Variants in VAV3 observed in about 807,000 individuals in gnomAD.
VAV3 encodes vav guanine nucleotide exchange factor 3.
VAV3 carries 94 observed loss-of-function variants against 131.2 expected under a neutral mutation model. The ratio of observed to expected loss-of-function variants is 0.72; its 90% confidence interval spans 0.61 to 0.85. The LOEUF (loss-of-function observed/expected upper bound fraction) is 0.85. Among genes scored for constraint, VAV3 ranks in the 40% least tolerant of loss-of-function variants. The pLI, the probability that VAV3 is intolerant of heterozygous loss-of-function variation, is 0.00. For synonymous variants in VAV3, 349 were observed against 342.0 expected, an observed-to-expected ratio of 1.02 and a Z score of -0.22; for missense variants, 939 against 1,002.7, an observed-to-expected ratio of 0.94 and a Z score of 0.86.
At chr1:107,940,534 C>A (rs1018720767) in intron 1 of VAV3, among the ~76,000 whole-genome samples, 1 of 152,072 alleles carries the variant, frequency 6.6e-6, no homozygotes, top group Admixed American at 6.6e-5. Flanking sequence ...AGGATGCCTG[C>A]GAAACTATGC....
At chr1:107,776,514 G>A (rs1665366083) in intron 4 of VAV3, among the ~76,000 whole-genome samples, 1 of 152,202 alleles carries the variant, frequency 6.6e-6, no homozygotes, top group Non-Finnish European at 1.5e-5. Context: ...AGAAAGAATA[G>A]CAGGTGTAAA....
intron 2 of VAV3, among the ~76,000 whole-genome samples, chr1:107,818,953 A>G (rs769859775): frequency 3.1e-4 from 47 of 152,218 alleles, no homozygotes; most frequent in Non-Finnish European, 5.9e-4. Flanking sequence ...GTTTTATTCA[A>G]TTCAGTTTTA....
At chr1:107,637,845 G>A (rs191126163) in intron 20 of VAV3, among the ~76,000 whole-genome samples, 2 of 152,068 alleles carry the variant, frequency 1.3e-5, no homozygotes, top group Non-Finnish European at 2.9e-5. Context: ...ACATGAAAAT[G>A]AAACAATATA....
chr1:107,869,757 A>G (rs1670171354), intron 2 of VAV3, among the ~76,000 whole-genome samples: 1 of 152,196 alleles, frequency 6.6e-6, no homozygotes, highest in Non-Finnish European at 1.5e-5. Context: ...CCCGAGCAGT[A>G]TACACTAAAC....
chr1:107,638,962 G>GAT (rs1039643886), intron 20 of VAV3, among the ~76,000 whole-genome samples: 48 of 151,002 alleles, frequency 3.2e-4, no homozygotes, highest in East Asian at 5.8e-4. Context: ...TACACATAAA[G>GAT]ATATATATAT....
chr1:107,696,053 G>C (rs1200746200), intron 17 of VAV3, among the ~76,000 whole-genome samples: 1 of 152,134 alleles, frequency 6.6e-6, no homozygotes, highest in Non-Finnish European at 1.5e-5. Flanking sequence ...TTCAAAGCCA[G>C]AGGTTTTAAA....
At chr1:107,655,893 A>G (rs1342045763) in intron 19 of VAV3, among the ~76,000 whole-genome samples, 1 of 152,214 alleles carries the variant, frequency 6.6e-6, no homozygotes, top group African/African-American at 2.4e-5. Flanking sequence ...TCAAAACCAC[A>G]GTGAGATATC....
chr1:107,670,300 G>A (rs1005856366), intron 19 of VAV3, among the ~76,000 whole-genome samples: 14 of 152,162 alleles, frequency 9.2e-5, no homozygotes, highest in African/African-American at 2.9e-4. Flanking sequence ...CAGAGAGGAG[G>A]TAACAAAGCC....
chr1:107,963,403 T>C (rs1675236134), intron 1 of VAV3: 1 of 152,066 alleles, frequency 6.6e-6, no homozygotes, highest in Non-Finnish European at 1.5e-5. Flanking sequence ...TTTATGGGGG[T>C]ATAAAATAAT....
intron 15 of VAV3, among the ~76,000 whole-genome samples, chr1:107,736,338 G>A (rs545179563): frequency 6.6e-6 from 1 of 152,112 alleles, no homozygotes; most frequent in African/African-American, 2.4e-5. Flanking sequence ...ATTCAACATA[G>A]TGTTGAAAGT....
At chr1:107,821,236 T>G (rs543547468) in intron 2 of VAV3, among the ~76,000 whole-genome samples, 60 of 152,222 alleles carry the variant, frequency 3.9e-4, no homozygotes, top group Non-Finnish European at 7.9e-4. Flanking sequence ...AGCATGTGTA[T>G]TCACTGATTT....
chr1:107,800,733 A>G (rs1469662003), intron 2 of VAV3, among the ~76,000 whole-genome samples: 1 of 152,114 alleles, frequency 6.6e-6, no homozygotes, highest in African/African-American at 2.4e-5. Flanking sequence ...CTCTTGTTAT[A>G]TGGATAGTTT....
chr1:107,685,594 A>G (rs905800530), intron 18 of VAV3: 1 of 152,178 alleles, frequency 6.6e-6, no homozygotes. Flanking sequence ...TTTCTACAGG[A>G]AGGGTGTGCA....
chr1:107,646,551 A>C (rs948783586), intron 19 of VAV3, among the ~76,000 whole-genome samples: 81 of 152,090 alleles, frequency 5.3e-4, no homozygotes, highest in African/African-American at 1.8e-3. Flanking sequence ...TTAAAATACT[A>C]AGCCAAAATT....
intron 1 of VAV3, among the ~76,000 whole-genome samples, chr1:107,884,398 TA>T (rs1557901008): frequency 4.5e-5 from 6 of 134,040 alleles, no homozygotes; most frequent in South Asian, 2.4e-4. Flanking sequence ...AAATTAAAAA[TA>T]AATTATTTAT....
intron 1 of VAV3, among the ~76,000 whole-genome samples, chr1:107,913,456 T>C (rs1378023373): frequency 6.6e-6 from 1 of 152,174 alleles, no homozygotes; most frequent in Non-Finnish European, 1.5e-5. Context: ...CTTTAAATGC[T>C]CTAAATTATA....
chr1:107,887,967 G>T (rs1190279376), intron 1 of VAV3, among the ~76,000 whole-genome samples: 1 of 150,212 alleles, frequency 6.7e-6, no homozygotes, highest in Non-Finnish European at 1.5e-5. Flanking sequence ...AATTTTTCTG[G>T]CCTCCAACCA....
chr1:107,956,241 A>G (rs1028621953), intron 1 of VAV3, among the ~76,000 whole-genome samples: 1 of 152,194 alleles, frequency 6.6e-6, no homozygotes, highest in African/African-American at 2.4e-5. Context: ...GAGTTGAGAG[A>G]AAGAAGGGAG....
chr1:107,707,671 T>C (rs947373940), intron 15 of VAV3, among the ~76,000 whole-genome samples: 3 of 152,184 alleles, frequency 2.0e-5, no homozygotes, highest in Admixed American at 6.5e-5. Flanking sequence ...TATGTAATTA[T>C]TGAAGTGTAA....
Sources: allele counts gnomAD v4.1 joint callset (sites outside exome capture counted in the v4.1 genomes callset), GRCh38; gene constraint gnomAD v4.1.1; transcripts MANE v1.5; gene names NCBI Gene and HGNC (gene_info 2026-07-23, HGNC 2026-07-21).